OTUD7A: variants seen among roughly 807,000 people sequenced by gnomAD.
The protein encoded by OTUD7A is OTU deubiquitinase 7A, also known as OTU domain-containing protein 7A.
OTUD7A carries 12 observed loss-of-function variants against 65.7 expected under a neutral mutation model. That is an observed-to-expected ratio of 0.18 (90% confidence interval 0.12 to 0.30). The LOEUF is 0.30. Among genes scored for constraint, OTUD7A ranks in the 10% least tolerant of loss-of-function variants. The pLI is 1.00. For synonymous variants in OTUD7A, 641 were observed against 586.3 expected (o/e 1.09, Z -1.35); for missense variants, 1,148 against 1,304.8 (o/e 0.88, Z 1.85).
chr15:31,623,982 T>C (rs562023217), intron 3 of OTUD7A, among the ~76,000 whole-genome samples: 1 of 152,398 alleles, frequency 6.6e-6, no homozygotes, highest in Admixed American at 6.5e-5. Context: ...TGTACAGTTA[T>C]GTTGTAATTT....
chr15:31,598,121 C>G (rs1889961351), intron 3 of OTUD7A, among the ~76,000 whole-genome samples: 1 of 152,154 alleles, frequency 6.6e-6, no homozygotes, highest in South Asian at 2.1e-4. Flanking sequence ...GGCTCTGGCT[C>G]TCCGCTCGCA....
intron 1 of OTUD7A, among the ~76,000 whole-genome samples, chr15:31,829,360 T>A (rs576529402): frequency 2.0e-5 from 3 of 152,316 alleles, no homozygotes; most frequent in Admixed American, 1.3e-4. Context: ...TGATCTTTCA[T>A]CCATGCTGGT....
intron 3 of OTUD7A, among the ~76,000 whole-genome samples, chr15:31,637,143 A>G (rs1159298821): frequency 6.6e-6 from 1 of 152,256 alleles, no homozygotes; most frequent in Non-Finnish European, 1.5e-5. Flanking sequence ...AGAAGATGTT[A>G]TCTAGGCTAG....
chr15:31,634,065 A>G (rs765194936), intron 3 of OTUD7A, among the ~76,000 whole-genome samples: 3 of 152,202 alleles, frequency 2.0e-5, no homozygotes, highest in Non-Finnish European at 4.4e-5. Flanking sequence ...GACACAGACA[A>G]GAGACTCAAG....
At chr15:31,869,987 G>A (rs897113284) in intron 1 of OTUD7A, among the ~76,000 whole-genome samples, 2 of 151,932 alleles carry the variant, frequency 1.3e-5, no homozygotes, top group Non-Finnish European at 2.9e-5. Context: ...CGAGCGGGAC[G>A]GCGGTGCGCC....
chr15:31,577,007 CCAAA>C (rs1362579380), intron 3 of OTUD7A, among the ~76,000 whole-genome samples: 1 of 152,056 alleles, frequency 6.6e-6, no homozygotes, highest in Non-Finnish European at 1.5e-5. Flanking sequence ...ATAGAGATCA[CCAAA>C]CAGACTGTGT....
chr15:31,601,819 T>C lies in OTUD7A; in HGVS notation c.152-31622A>G, dbSNP rs375416728. 2.5e-4 allele frequency among the ~76,000 whole-genome samples: 38 copies of C among 152,210 alleles called. No individual in the cohort carries two copies. The South Asian group carries it at 7.3e-3, about 29-fold the overall frequency. On this transcript the variant is annotated intron_variant, in intron 3 of 12. Coordinates refer to ENST00000307050, the MANE Select transcript of OTUD7A (RefSeq NM_001382637.1). ...AAATACAAACTACCAGAGAATACTATAAACACTCCTATGCAAATAAAGTAG... is the reference window on the plus strand; with the variant it reads ...AAATACAAACTACCAGAGAATACTACAAACACTCCTATGCAAATAAAGTAG...
chr15:31,853,281 C>G (rs1897477026), intron 1 of OTUD7A, among the ~76,000 whole-genome samples: 2 of 152,228 alleles, frequency 1.3e-5, no homozygotes, highest in African/African-American at 4.8e-5. Context: ...CACAATCATC[C>G]AGCAGACAGC....
At chr15:31,686,293 T>C (rs1892834871) in intron 1 of OTUD7A, among the ~76,000 whole-genome samples, 1 of 152,232 alleles carries the variant, frequency 6.6e-6, no homozygotes, top group Admixed American at 6.5e-5. Context: ...TCCAGCCACC[T>C]CCATTTGGTT....
At chr15:31,782,808 A>T (rs1895575620) in intron 1 of OTUD7A, among the ~76,000 whole-genome samples, 2 of 152,206 alleles carry the variant, frequency 1.3e-5, no homozygotes, top group Non-Finnish European at 2.9e-5. Context: ...TTCTAAAAAG[A>T]GGAGGCCTGG....
chr15:31,529,425 CA>C (rs2042057086), intron 6 of OTUD7A, among the ~76,000 whole-genome samples: 1 of 152,206 alleles, frequency 6.6e-6, no homozygotes, highest in African/African-American at 2.4e-5. Flanking sequence ...ACCTGAAGAA[CA>C]GACAAAAGAC....
At chr15:31,730,060 T>A (rs1473671911) in intron 1 of OTUD7A, among the ~76,000 whole-genome samples, 1 of 152,188 alleles carries the variant, frequency 6.6e-6, no homozygotes, top group South Asian at 2.1e-4. Flanking sequence ...GATTAGGTCA[T>A]GAGGGTGCAG....
At position 31,818,085 on chromosome 15, in the gene OTUD7A, C is replaced by T. The variant is rs140302805; in HGVS notation, c.-100+52422G>A. ...CAACTGAGGAAACAGCAACAAGGCA[C>T]CATCTATGGAGCAGAGAGCAAGGGT... On this transcript the variant is annotated intron_variant, in intron 1 of 12. Coordinates refer to ENST00000307050, the MANE Select transcript of OTUD7A (RefSeq NM_001382637.1). Among the ~76,000 whole-genome samples, 67 of 152,314 alleles carry T rather than the reference C, an allele frequency of 4.4e-4. No individual in the cohort carries two copies. The East Asian group carries it at 7.7e-3, about 18-fold the overall frequency.
chr15:31,690,260 T>C (rs1306634469), intron 1 of OTUD7A, among the ~76,000 whole-genome samples: 1 of 152,228 alleles, frequency 6.6e-6, no homozygotes, highest in Non-Finnish European at 1.5e-5. Context: ...TTCAGTTCTA[T>C]ATTATTACTT....
chr15:31,654,972 A>T (rs1466334031), intron 3 of OTUD7A, 124 bp downstream of exon 3: 3 of 1,185,330 alleles, frequency 2.5e-6, no homozygotes, highest in Non-Finnish European at 2.3e-6. Flanking sequence ...TATCGGTAAG[A>T]TGTAACACAA....
chr15:31,815,992 C>A (rs561404015), intron 1 of OTUD7A, among the ~76,000 whole-genome samples: 6 of 152,166 alleles, frequency 3.9e-5, no homozygotes, highest in African/African-American at 1.4e-4. Context: ...CAACAGTGAC[C>A]GACCAGAGGA....
At chr15:31,496,380 C>A (rs1171685426) in intron 10 of OTUD7A, among the ~76,000 whole-genome samples, 3 of 152,042 alleles carry the variant, frequency 2.0e-5, no homozygotes, top group Admixed American at 2.0e-4. Context: ...TGCCACCATG[C>A]CCAGTTAATT....
chr15:31,696,124 G>C (rs1893076624), intron 1 of OTUD7A, among the ~76,000 whole-genome samples: 2 of 150,764 alleles, frequency 1.3e-5, no homozygotes, highest in Admixed American at 1.3e-4. Context: ...CTGTGGGTGT[G>C]AGTGACAGGG....
rs967471565 is a variant in OTUD7A at position 31,483,648 on chromosome 15, G to A, written c.2448C>T (p.Tyr816=). ...GCAGGGCGGCGGCGCGCGCCGGGCT[G>A]TAGCTCTGCGACGACAGCGAGCGGT... is the stretch of plus-strand genomic sequence containing the variant. ...QQNRSLSSQS[Y]SPARAAALRT... is the part of the protein sequence containing the mutation. Residue 816 remains tyrosine (Y), a synonymous_variant, in exon 13 of 13, where the codon TAC becomes TAT. Transcript: ENST00000307050. The A allele has an allele frequency of 3.4e-6, 4 of 1,173,944 alleles. No homozygotes were observed. The highest frequency in any genetic ancestry group is 8.1e-5 in the South Asian group (2 of 24,720). 72.7% of individuals were successfully genotyped at this position (1,173,944 alleles called of 1,614,324 possible). A position where few individuals can be genotyped will look rare whatever the true frequency, so the allele number is the denominator to read the frequency against.
Sources: allele counts gnomAD v4.1 joint callset (sites outside exome capture counted in the v4.1 genomes callset), GRCh38; gene constraint gnomAD v4.1.1; transcripts MANE v1.5; gene names NCBI Gene and HGNC (gene_info 2026-07-23, HGNC 2026-07-21).